Variants in BYSL observed in about 807,000 individuals in gnomAD.
The protein encoded by BYSL is bystin.
Under a neutral mutation model 45.4 loss-of-function variants are expected in BYSL, and 21 were observed. That is an observed-to-expected ratio of 0.46 (90% CI 0.33 to 0.67). The LOEUF is 0.67. BYSL is among the 30% of genes least tolerant of loss of function. The probability of loss-of-function intolerance (pLI) is 0.02; values close to 1 mark genes in which losing one functional copy is unlikely to be tolerated. For missense variants in BYSL, 522 were observed against 578.5 expected (o/e 0.90, Z 1.00); for synonymous variants, 215 against 231.3 (o/e 0.93, Z 0.64).
upstream of BYSL, chr6:41,920,936 T>C: frequency 1.3e-6 from 2 of 1,566,266 alleles, no homozygotes; most frequent in Non-Finnish European, 1.7e-6. Context: ...CGGCGGACCA[T>C]GGTCAAGGTC....
chr6:41,925,189 C>T (rs1049323410), intron 1 of BYSL, among the ~76,000 whole-genome samples: 2 of 152,098 alleles, frequency 1.3e-5, no homozygotes, highest in African/African-American at 2.4e-5. Context: ...ACCGTTGGAA[C>T]GTGGAGACAA....
chr6:41,918,072 G>A (rs1478838439), upstream of BYSL, among the ~76,000 whole-genome samples: 3 of 152,118 alleles, frequency 2.0e-5, no homozygotes, highest in Non-Finnish European at 2.9e-5. Context: ...CTCTTATGGT[G>A]GCTTCCACTT....
chr6:41,928,476 C>T (rs998722620), intron 2 of BYSL, among the ~76,000 whole-genome samples: 6 of 152,168 alleles, frequency 3.9e-5, no homozygotes, highest in Non-Finnish European at 8.8e-5. Context: ...TTGGGCTTGT[C>T]CCCCCAGAGA....
At chr6:41,919,176 A>G (rs1465738769), upstream of BYSL, among the ~76,000 whole-genome samples, 1 of 151,700 alleles carries the variant, frequency 6.6e-6, no homozygotes, top group Non-Finnish European at 1.5e-5. Context: ...TACAGCACAA[A>G]GAGGTTAAAT....
the BYSL span, chr6:41,909,407 C>A: frequency 6.2e-7 from 1 of 1,614,226 alleles, no homozygotes; most frequent in Non-Finnish European, 8.5e-7. Context: ...TGAGCTTCAC[C>A]ATAAGCACAT....
intron 1 of BYSL, among the ~76,000 whole-genome samples, chr6:41,924,502 T>C (rs956856121): frequency 2.0e-5 from 3 of 152,250 alleles, no homozygotes; most frequent in Non-Finnish European, 4.4e-5. Context: ...GTAAGCTGTA[T>C]AGAACAAAGT....
At chr6:41,917,713 T>C, upstream of BYSL, 1 of 467,238 alleles carries the variant, frequency 2.1e-6, no homozygotes, top group Non-Finnish European at 4.5e-6. Context: ...AGTCATATAA[T>C]GAAAAAGGGA....
chr6:41,926,342 A>G (rs183558280), intron 1 of BYSL, among the ~76,000 whole-genome samples: 6 of 152,312 alleles, frequency 3.9e-5, no homozygotes, highest in Admixed American at 1.3e-4. Flanking sequence ...CAGTGCTTCA[A>G]TGTCCTCATT....
upstream of BYSL, chr6:41,917,498 T>C: frequency 4.1e-6 from 1 of 243,454 alleles, no homozygotes; most frequent in South Asian, 3.9e-5. Context: ...AACAATCAAT[T>C]AAGATAACTC....
the BYSL span, among the ~76,000 whole-genome samples, chr6:41,914,681 T>C: frequency 6.6e-6 from 1 of 151,544 alleles, no homozygotes; most frequent in Admixed American, 6.6e-5. Context: ...ATCATGCTAC[T>C]GTACAGCCGG....
chr6:41,926,744 C>T (rs965427812), intron 1 of BYSL, among the ~76,000 whole-genome samples: 18 of 150,514 alleles, frequency 1.2e-4, no homozygotes, highest in African/African-American at 3.9e-4. Context: ...CCACCGTGCC[C>T]GGCCACTTCT....
At chr6:41,927,168 T>A (rs921644341) in intron 1 of BYSL, among the ~76,000 whole-genome samples, 3 of 152,184 alleles carry the variant, frequency 2.0e-5, no homozygotes, top group African/African-American at 7.2e-5. Context: ...ATTGCTTTTC[T>A]TATTGTTTCC....
chr6:41,919,987 G>A (rs1043032588), upstream of BYSL, among the ~76,000 whole-genome samples: 7 of 152,076 alleles, frequency 4.6e-5, no homozygotes, highest in African/African-American at 1.7e-4. Flanking sequence ...ATATCCACTG[G>A]CTTCAAATAT....
At chr6:41,918,422 T>C (rs1775371276), upstream of BYSL, among the ~76,000 whole-genome samples, 1 of 150,490 alleles carries the variant, frequency 6.6e-6, no homozygotes, top group Admixed American at 6.6e-5. Context: ...GAGAATCACT[T>C]GAAACCAGGA....
chr6:41,930,303 C>A, intron 3 of BYSL, 33 bp downstream of exon 3: 1 of 1,606,980 alleles, frequency 6.2e-7, no homozygotes, highest in Non-Finnish European at 8.5e-7. Context: ...TGGTGGAAGA[C>A]CCCTTTGGGG....
upstream of BYSL, among the ~76,000 whole-genome samples, chr6:41,919,777 A>G (rs929663930): frequency 6.6e-6 from 1 of 152,192 alleles, no homozygotes; most frequent in East Asian, 1.9e-4. Flanking sequence ...TTCTTTAAAA[A>G]AAAGAAAGAG....
At chr6:41,918,239 C>T (rs1775366700), upstream of BYSL, among the ~76,000 whole-genome samples, 2 of 152,154 alleles carry the variant, frequency 1.3e-5, no homozygotes, top group African/African-American at 4.8e-5. Context: ...CATGGTGGCT[C>T]ACGCCTGTAA....
rs1407427754 is a variant in BYSL at position 41,930,210 on chromosome 6, G to A, written c.510G>A (p.Ser170=). 8 of 1,614,172 alleles carry A rather than the reference G, an allele frequency of 5.0e-6. No individual in the cohort carries two copies. Among genetic ancestry groups the A allele is most frequent in the South Asian group, 3.3e-5 (3 of 91,084 alleles). Residue 170 remains serine (S), a synonymous_variant, in exon 3 of 7, where the codon TCG becomes TCA. Coordinates refer to ENST00000230340, the MANE Select transcript of BYSL (RefSeq NM_004053.4). ...TTGAGACAGTCATGTCAGAGGTGTCGGGCTTCCCTATGCCCCAGCTGGACC... is the reference window on the plus strand; with the variant it reads ...TTGAGACAGTCATGTCAGAGGTGTCAGGCTTCCCTATGCCCCAGCTGGACC... ...TEVETVMSEV[S]GFPMPQLDPR...
chr6:41,911,339 C>T, the BYSL span, among the ~76,000 whole-genome samples: 4 of 151,470 alleles, frequency 2.6e-5, no homozygotes, highest in East Asian at 2.0e-4. Context: ...TTAGTAGAGA[C>T]GGGGTTTCAC....
Sources: allele counts gnomAD v4.1 joint callset (sites outside exome capture counted in the v4.1 genomes callset), GRCh38; gene constraint gnomAD v4.1.1; transcripts MANE v1.5; gene names NCBI Gene and HGNC (gene_info 2026-07-23, HGNC 2026-07-21).